CLOCK: variants seen among roughly 807,000 people sequenced by gnomAD.
CLOCK encodes the protein circadian locomoter output cycles protein kaput.
CLOCK carries 43 observed loss-of-function variants against 118.4 expected under a neutral mutation model. That is an observed-to-expected ratio of 0.36 (90% CI 0.28 to 0.47). CLOCK has a LOEUF of 0.47. Ranked by LOEUF, CLOCK falls within the 20% of genes least tolerant of loss-of-function variation. The pLI is 1.00. For missense variants in CLOCK, 846 were observed against 999.9 expected (o/e 0.85, Z 2.08); for synonymous variants, 326 against 339.2 (o/e 0.96, Z 0.43).
At position 55,465,634 on chromosome 4, in the gene CLOCK, C is replaced by T. The variant is rs144582593; in HGVS notation, c.439-1829G>A. Among the ~76,000 whole-genome samples the T allele has an allele frequency of 8.5e-5, 13 of 152,206 alleles. 1 individual carries two copies. The highest frequency in any genetic ancestry group is 3.1e-4 in the African/African-American group (13 of 41,528). ...GGATTTTTCTGGAAGTCTGAAAAGC[C>T]TCTACAACTAAAGGAGTGAACTAAA... On this transcript the variant is annotated intron_variant, in intron 8 of 22. Transcript: ENST00000513440.
chr4:55,438,283 T>C lies in CLOCK; in HGVS notation c.2360A>G (p.Gln787Arg), dbSNP rs1207793973. Residue 787 changes from glutamine (Q) to arginine (R), a missense_variant and splice_region_variant, in exon 22 of 23, where the codon CAG becomes CGG. Around this residue, in one of 4 missense-constraint regions of CLOCK, gnomAD observed 520 missense variants for 558.0 expected, o/e 0.93. Transcript: ENST00000513440. ...CAGCTTCCCCATGGGGAGAATTACCTGTAAAAATTGTTGCGGTGGCTGGGT... is the reference window on the plus strand; with the variant it reads ...CAGCTTCCCCATGGGGAGAATTACCCGTAAAAATTGTTGCGGTGGCTGGGT... ...QLTQPPQQFL[Q>R]TSRLLHGNPS... is the part of the protein sequence containing the mutation. 1.9e-6 allele frequency: 3 copies of C among 1,613,982 alleles called. No homozygotes were observed. In the Admixed American group the frequency reaches 5.0e-5, roughly 27 times the overall value.
At chr4:55,438,581 GGTATACATCATAAAAC>G in intron 21 of CLOCK, 44 bp from the exon 22 acceptor site, 1 of 1,611,672 alleles carries the variant, frequency 6.2e-7, no homozygotes, top group East Asian at 2.2e-5. Flanking sequence ...CAAAGTACAA[GGTATACATCATAAAAC>G]GCAGTGGAGT....
chr4:55,448,422 T>A (rs1724059685), intron 18 of CLOCK, among the ~76,000 whole-genome samples: 1 of 152,170 alleles, frequency 6.6e-6, no homozygotes, highest in Non-Finnish European at 1.5e-5. Context: ...TTCTTTGTTG[T>A]GCAAGACTCT....
intron 1 of CLOCK, among the ~76,000 whole-genome samples, chr4:55,542,474 T>C (rs545386589): frequency 6.6e-6 from 1 of 150,882 alleles, no homozygotes; most frequent in Non-Finnish European, 1.5e-5. Flanking sequence ...TGCATCTTTC[T>C]AGGTATCTCC....
At position 55,433,762 on chromosome 4, in the gene CLOCK, T is replaced by C; in HGVS notation, c.*1653A>G. ...GTTTTTTAAATGTATGTAACTTGTA[T>C]TGGAATTTATTACTTTTAGAATATG... On this transcript the variant is annotated 3_prime_UTR_variant, in exon 23 of 23. Coordinates refer to ENST00000513440, the MANE Select transcript of CLOCK (RefSeq NM_004898.4). 6.6e-6 allele frequency: 1 copy of C among 152,220 alleles called. No homozygotes were observed. The highest frequency in any genetic ancestry group is 1.5e-5 in the Non-Finnish European group (1 of 68,032). 9.4% of individuals were successfully genotyped at this position (152,220 alleles called of 1,614,324 possible).
intron 1 of CLOCK, among the ~76,000 whole-genome samples, chr4:55,516,987 T>C (rs1400545443): frequency 1.3e-5 from 2 of 152,196 alleles, no homozygotes; most frequent in Non-Finnish European, 1.5e-5. Flanking sequence ...CTCCTATCCT[T>C]TGTATCATTC....
At chr4:55,505,605 A>G (rs996004229) in intron 2 of CLOCK, among the ~76,000 whole-genome samples, 4 of 152,082 alleles carry the variant, frequency 2.6e-5, no homozygotes, top group African/African-American at 9.7e-5. Context: ...TCCAGGCTGC[A>G]ATGAGCTGTG....
intron 1 of CLOCK, chr4:55,546,040 C>G (rs528328364): frequency 1.3e-5 from 2 of 152,404 alleles, no homozygotes; most frequent in Admixed American, 1.3e-4. Context: ...CTGCGGCACG[C>G]GGGCCGGGCG....
At chr4:55,540,615 T>C (rs997503083) in intron 1 of CLOCK, 1 of 152,238 alleles carries the variant, frequency 6.6e-6, no homozygotes, top group Admixed American at 6.5e-5. Flanking sequence ...TCGAAGGTTC[T>C]AGCAGGGGAG....
At chr4:55,476,163 G>T in intron 6 of CLOCK, 109 bp from the exon 7 acceptor site, 1 of 737,672 alleles carries the variant, frequency 1.4e-6, no homozygotes, top group Admixed American at 2.0e-5. Context: ...ACAACCGTAG[G>T]CATTAACATT....
At chr4:55,530,705 G>A (rs1730482595) in intron 1 of CLOCK, among the ~76,000 whole-genome samples, 1 of 143,144 alleles carries the variant, frequency 7.0e-6, no homozygotes, top group Admixed American at 7.2e-5. Flanking sequence ...AACCCAGGAG[G>A]TGGAGGTTGC....
chr4:55,542,078 T>C (rs184800436), intron 1 of CLOCK, among the ~76,000 whole-genome samples: 74 of 151,946 alleles, frequency 4.9e-4, no homozygotes, highest in African/African-American at 1.5e-3. Flanking sequence ...TGGTGGCTCA[T>C]GCCTGTAATC....
intron 1 of CLOCK, among the ~76,000 whole-genome samples, chr4:55,518,921 C>T (rs1729683340): frequency 6.6e-6 from 1 of 152,130 alleles, no homozygotes; most frequent in Admixed American, 6.5e-5. Context: ...CAATGAGTAC[C>T]CTCATGTCAA....
At chr4:55,532,227 A>T (rs1178308794) in intron 1 of CLOCK, among the ~76,000 whole-genome samples, 4 of 152,158 alleles carry the variant, frequency 2.6e-5, no homozygotes, top group Non-Finnish European at 5.9e-5. Context: ...TTCAATGGTA[A>T]AAGACTGAAC....
At chr4:55,440,156 T>C (rs80277119) in intron 21 of CLOCK, among the ~76,000 whole-genome samples, 102 of 152,312 alleles carry the variant, frequency 6.7e-4, no homozygotes, top group East Asian at 2.1e-3. Flanking sequence ...TTATAATGTA[T>C]TTTTTAAACT....
chr4:55,473,877 G>A (rs1361573963), intron 7 of CLOCK, among the ~76,000 whole-genome samples: 1 of 152,106 alleles, frequency 6.6e-6, no homozygotes, highest in Non-Finnish European at 1.5e-5. Context: ...TGCTCTGACT[G>A]CTCCACCAAC....
chr4:55,526,082 A>G (rs1236487192), intron 1 of CLOCK, among the ~76,000 whole-genome samples: 1 of 152,180 alleles, frequency 6.6e-6, no homozygotes, highest in Admixed American at 6.5e-5. Flanking sequence ...TATACTATAA[A>G]TATTCCACAA....
At chr4:55,545,999 G>A (rs1731593235) in intron 1 of CLOCK, 1 of 152,222 alleles carries the variant, frequency 6.6e-6, no homozygotes, top group Non-Finnish European at 1.5e-5. Flanking sequence ...ACCAGCCCGC[G>A]GCCGGCAACG....
At chr4:55,497,603 T>C (rs1168820479) in intron 2 of CLOCK, among the ~76,000 whole-genome samples, 4 of 152,226 alleles carry the variant, frequency 2.6e-5, no homozygotes, top group African/African-American at 7.2e-5. Context: ...ACTATGCCAG[T>C]AGTTCTTAAC....
Sources: gnomAD v4.1 joint callset for allele counts (sites outside exome capture counted in the v4.1 genomes callset) on GRCh38, gnomAD v4.1.1 for gene constraint, gnomAD v4.1.1 regional missense constraint, MANE v1.5 for transcripts, NCBI Gene and HGNC (gene_info 2026-07-23, HGNC 2026-07-21) for gene names.